Variants in CLSTN1 observed in about 807,000 individuals in gnomAD.
CLSTN1 encodes the protein calsyntenin 1.
In CLSTN1, 28 loss-of-function variants were observed where a neutral mutation model predicts 108.3. That is an observed-to-expected ratio of 0.26 (90% CI 0.19 to 0.35). The LOEUF is 0.35. Among genes scored for constraint, CLSTN1 ranks in the 10% least tolerant of loss-of-function variants. CLSTN1 has a pLI of 1.00. For synonymous variants in CLSTN1, 524 were observed against 534.9 expected, an observed-to-expected ratio of 0.98 and a Z score of 0.28; for missense variants, 1,157 against 1,302.6, an observed-to-expected ratio of 0.89 and a Z score of 1.72.
chr1:9,755,231 C>G lies in CLSTN1; in HGVS notation c.323G>C (p.Gly108Ala). ...AVVVDKSTGE[G>A]VIRSKEKLDC... ...CAGTTTCTCTTTGGAGCGAATGACT[C>G]CCTCACCAGTGGATTTATCCACTAC... is the stretch of plus-strand genomic sequence containing the variant. Residue 108 changes from glycine to alanine, a missense_variant, in exon 4 of 19, where the codon GGA becomes GCA. Gly to Ala is a moderately conservative substitution (Grantham distance 60). Coordinates refer to ENST00000377298, the MANE Select transcript of CLSTN1 (RefSeq NM_001009566.3). 1 of 1,614,034 alleles carries G rather than the reference C, an allele frequency of 6.2e-7. No individual in the cohort carries two copies. The highest frequency in any genetic ancestry group is 8.5e-7 in the Non-Finnish European group (1 of 1,179,954).
At chr1:9,738,122 C>T (rs147313580) in intron 10 of CLSTN1, among the ~76,000 whole-genome samples, 36 of 152,348 alleles carry the variant, frequency 2.4e-4, no homozygotes, top group Admixed American at 1.2e-3. Context: ...GGAAAGAAGA[C>T]ATTCTCAATC....
intron 1 of CLSTN1, among the ~76,000 whole-genome samples, chr1:9,821,698 CA>C (rs1655197106): frequency 6.6e-6 from 1 of 152,136 alleles, no homozygotes; most frequent in African/African-American, 2.4e-5. Flanking sequence ...TGTAAATTTA[CA>C]TATGAAATTC....
At chr1:9,793,466 G>A (rs868707435) in intron 1 of CLSTN1, among the ~76,000 whole-genome samples, 13 of 151,474 alleles carry the variant, frequency 8.6e-5, no homozygotes, top group Non-Finnish European at 4.4e-5. Flanking sequence ...CCCCCGCTTC[G>A]AATCTGAGAC....
chr1:9,816,530 C>T (rs1315640048), intron 1 of CLSTN1, among the ~76,000 whole-genome samples: 1 of 143,038 alleles, frequency 7.0e-6, no homozygotes, highest in Non-Finnish European at 1.5e-5. Context: ...CTCAATAAAG[C>T]TGCTTTAAAA....
chr1:9,773,253 A>G lies in CLSTN1; in HGVS notation c.214+19T>C, dbSNP rs769462528. The G allele has an allele frequency of 6.2e-7, 1 of 1,613,628 alleles. No homozygotes were observed. The highest frequency in any genetic ancestry group is 1.1e-5 in the South Asian group (1 of 91,028). On this transcript the variant is annotated intron_variant, in intron 2 of 18. Coordinates refer to ENST00000377298, the MANE Select transcript of CLSTN1 (RefSeq NM_001009566.3). Reference sequence around the variant, plus strand: ...ACCAGGCCCGATTCATCAAGAGTCAATGAAAGCCCCGTTCCTACCTGCAAA... The same window carrying G: ...ACCAGGCCCGATTCATCAAGAGTCAGTGAAAGCCCCGTTCCTACCTGCAAA...
chr1:9,794,577 G>C (rs1653909047), intron 1 of CLSTN1, among the ~76,000 whole-genome samples: 1 of 151,442 alleles, frequency 6.6e-6, no homozygotes, highest in Non-Finnish European at 1.5e-5. Context: ...CGAAAGTGCT[G>C]AGATTACAGG....
chr1:9,820,443 C>T lies in CLSTN1; in HGVS notation c.91+3200G>A, dbSNP rs549893183. Among the ~76,000 whole-genome samples the T allele has an allele frequency of 2.6e-3, 389 of 152,082 alleles. 3 individuals are homozygous for T. The highest frequency in any genetic ancestry group is 8.8e-3 in the African/African-American group (365 of 41,470). ...CTGAGGCAGAAGAATCTCTTGAACCCGGGAGGCGGAGGTTGCAGTGAGACA... is the reference window on the plus strand; with the variant it reads ...CTGAGGCAGAAGAATCTCTTGAACCTGGGAGGCGGAGGTTGCAGTGAGACA... On this transcript the variant is annotated intron_variant, in intron 1 of 18. Transcript: ENST00000377298.
At chr1:9,813,260 G>C (rs746083763) in intron 1 of CLSTN1, among the ~76,000 whole-genome samples, 1 of 152,134 alleles carries the variant, frequency 6.6e-6, no homozygotes, top group Non-Finnish European at 1.5e-5. Context: ...CACTTTGGGA[G>C]GCTGAGGCGG....
intron 7 of CLSTN1, among the ~76,000 whole-genome samples, chr1:9,747,679 A>G (rs1236245793): frequency 1.3e-5 from 2 of 151,918 alleles, no homozygotes; most frequent in Non-Finnish European, 2.9e-5. Context: ...TATTTTTAGT[A>G]GAGCGGGGGT....
intron 1 of CLSTN1, among the ~76,000 whole-genome samples, chr1:9,788,472 G>A (rs1653597966): frequency 6.6e-6 from 1 of 151,158 alleles, no homozygotes; most frequent in African/African-American, 2.4e-5. Flanking sequence ...GGAGACTGAG[G>A]CAGGACAATC....
intron 1 of CLSTN1, among the ~76,000 whole-genome samples, chr1:9,812,001 G>A (rs754382029): frequency 3.3e-5 from 5 of 152,226 alleles, no homozygotes; most frequent in Middle Eastern, 3.4e-3. Context: ...GCTGGGCGTG[G>A]TGGCATATGC....
intron 1 of CLSTN1, among the ~76,000 whole-genome samples, chr1:9,802,594 C>G (rs892747175): frequency 3.3e-5 from 5 of 152,140 alleles, no homozygotes; most frequent in African/African-American, 9.6e-5. Flanking sequence ...CAAATGTATG[C>G]TTTCTGAATA....
Position 9,749,824 on chromosome 1 carries a change from C to T in CLSTN1, c.739G>A (p.Ala247Thr). ...VTAYDCGKKRATEDVLVKISI... is the reference protein window; with the variant it reads ...VTAYDCGKKRTTEDVLVKISI... The stretch of plus-strand genomic sequence containing the variant: ...ATCTTCACCAAAACATCTTCTGTGG[C>T]TCTTTTCTTCCCACAGTCATAGGCA... Residue 247 changes from alanine (A) to threonine (T), a missense_variant, in exon 6 of 19, where the codon GCC becomes ACC. Ala to Thr is a moderately conservative substitution (Grantham distance 58). Transcript: ENST00000377298. 1 of 1,614,166 alleles carries T rather than the reference C, an allele frequency of 6.2e-7. No individual in the cohort carries two copies. The highest frequency in any genetic ancestry group is 8.5e-7 in the Non-Finnish European group (1 of 1,180,008).
At chr1:9,731,653 A>T in intron 17 of CLSTN1, 108 bp downstream of exon 17, 1 of 1,159,800 alleles carries the variant, frequency 8.6e-7, no homozygotes, top group South Asian at 1.3e-5. Context: ...TAATTGGGAC[A>T]GGGAAAGACC....
chr1:9,797,264 C>T (rs963707794), intron 1 of CLSTN1, among the ~76,000 whole-genome samples: 1 of 151,314 alleles, frequency 6.6e-6, no homozygotes, highest in African/African-American at 2.4e-5. Flanking sequence ...CCTGACTGGG[C>T]AATGCAGTGA....
rs70998307 is a variant in CLSTN1, at chr1:9,764,637, TAAAAAAAA to T, written c.215-8135_215-8128del. ...GGGTGATGAAGTGAGGCTCCATCTT[TAAAAAAAA>T]AAAAAAAAAAAAAAAAAAAGTTTCC... is the stretch of plus-strand genomic sequence containing the variant. On this transcript the variant is annotated intron_variant, in intron 2 of 18. Coordinates refer to ENST00000377298, the MANE Select transcript of CLSTN1 (RefSeq NM_001009566.3). Among the ~76,000 whole-genome samples, 562 of 82,342 alleles carry T rather than the reference TAAAAAAAA, an allele frequency of 6.8e-3. 3 individuals carry two copies. The highest frequency in any genetic ancestry group is 0.011 in the African/African-American group (223 of 21,110). The allele number at this position is 82,342 out of a possible 152,430, so 54.0% of individuals were successfully genotyped here. A position where few individuals can be genotyped will look rare whatever the true frequency, so the allele number is the denominator to read the frequency against.
intron 11 of CLSTN1, among the ~76,000 whole-genome samples, chr1:9,737,036 G>A (rs1283222253): frequency 1.3e-5 from 2 of 151,894 alleles, no homozygotes; most frequent in African/African-American, 2.4e-5. Flanking sequence ...CCGCGCCACT[G>A]CACTCCAGCC....
intron 2 of CLSTN1, among the ~76,000 whole-genome samples, chr1:9,766,396 C>T (rs535537504): frequency 1.3e-5 from 2 of 152,314 alleles, no homozygotes; most frequent in African/African-American, 2.4e-5. Flanking sequence ...CGGTGGCTCA[C>T]GCCTGTAATC....
intron 7 of CLSTN1, among the ~76,000 whole-genome samples, chr1:9,749,172 G>A (rs1394410008): frequency 1.3e-5 from 2 of 152,156 alleles, no homozygotes; most frequent in Non-Finnish European, 1.5e-5. Context: ...CTAAAGTGCT[G>A]GAATTACAGG....
Sources: allele counts gnomAD v4.1 joint callset (sites outside exome capture counted in the v4.1 genomes callset), GRCh38; gene constraint gnomAD v4.1.1; transcripts MANE v1.5; gene names NCBI Gene and HGNC (gene_info 2026-07-23, HGNC 2026-07-21).